PCNX2: variants seen among roughly 807,000 people sequenced by gnomAD.
PCNX2 encodes pecanex 2, also known as pecanex-like protein 2.
A neutral mutation model predicts 223.8 loss-of-function variants in PCNX2; 168 were observed. That is an observed-to-expected ratio of 0.75 (90% CI 0.66 to 0.85). The LOEUF (loss-of-function observed/expected upper bound fraction) is 0.85. Among genes scored for constraint, PCNX2 ranks in the 40% least tolerant of loss-of-function variants. The probability of loss-of-function intolerance (pLI) is 0.00; values close to 1 mark genes in which losing one functional copy is unlikely to be tolerated. For missense variants in PCNX2, 2,507 were observed against 2,675.5 expected (o/e 0.94, Z 1.39); for synonymous variants, 1,006 against 1,052.6 (o/e 0.96, Z 0.86).
intron 16 of PCNX2, 69 bp downstream of exon 16, chr1:233,178,997 C>A: frequency 7.2e-7 from 1 of 1,385,722 alleles, no homozygotes; most frequent in South Asian, 1.3e-5. Context: ...CCATCTCAGT[C>A]AGGGCACAAA....
intron 23 of PCNX2, chr1:233,089,845 C>T (rs1673780888): frequency 1.5e-6 from 2 of 1,294,960 alleles, no homozygotes; most frequent in Middle Eastern, 2.9e-4. Flanking sequence ...GACTAGTATT[C>T]GTTGGCTAAT....
At chr1:233,267,485 A>G (rs1660401836) in intron 1 of PCNX2, among the ~76,000 whole-genome samples, 2 of 152,020 alleles carry the variant, frequency 1.3e-5, no homozygotes. Context: ...TTATCTTCCC[A>G]AACTGAAACT....
intron 9 of PCNX2, among the ~76,000 whole-genome samples, chr1:233,233,710 A>G (rs1002287832): frequency 1.3e-5 from 2 of 151,994 alleles, no homozygotes; most frequent in African/African-American, 4.8e-5. Flanking sequence ...CGTGTGCTGC[A>G]CTTGAAGGAG....
chr1:233,224,957 G>C (rs1476551143), intron 10 of PCNX2, among the ~76,000 whole-genome samples: 1 of 151,846 alleles, frequency 6.6e-6, no homozygotes, highest in Non-Finnish European at 1.5e-5. Flanking sequence ...CAGGGTTTGG[G>C]GGGCAAGGGG....
chr1:233,166,709 A>G lies in PCNX2; in HGVS notation c.3274-5346T>C, dbSNP rs373871409. ...ACCATCAGCAAAATCAAAAGGAAAC[A>G]GTTGTTTTTCCCCAAAGCCACCAAA... On this transcript the variant is annotated intron_variant, in intron 17 of 33. Transcript: ENST00000258229. Among the ~76,000 whole-genome samples the G allele has an allele frequency of 9.2e-5, 14 of 152,210 alleles. No homozygotes were observed. The East Asian group carries it at 1.7e-3, about 19-fold the overall frequency.
rs753037530 is a variant in PCNX2 at position 233,295,305 on chromosome 1, G to C, written c.153+21C>G. ...TCCCTCCATACCCACAGCTCCCCGG[G>C]ACCGGACCCTCCCCACTCACCAGGT... On this transcript the variant is annotated intron_variant, in intron 1 of 33. Coordinates refer to ENST00000258229, the MANE Select transcript of PCNX2 (RefSeq NM_014801.4). This position sits in a 1 kb window ranked among gnomAD's most constrained non-coding sequence, Gnocchi z 4.1. 6.4e-7 allele frequency: 1 copy of C among 1,571,206 alleles called. No individual in the cohort carries two copies. Among genetic ancestry groups the C allele is most frequent in the South Asian group, 1.2e-5 (1 of 85,298 alleles).
rs554318839 is a variant in PCNX2 at position 232,985,842 on chromosome 1, G to A, written c.6240+250C>T. On this transcript the variant is annotated intron_variant, in intron 33 of 33. Transcript: ENST00000258229. The stretch of plus-strand genomic sequence containing the variant: ...ACAGTTCTGCAGAACCTCTGTATCC[G>A]GTGACTCCTTTCAGTGCCTGCCTGG... The A allele has an allele frequency of 2.4e-4, 143 of 606,570 alleles. No individual in the cohort carries two copies. In the South Asian group the frequency reaches 2.7e-3, roughly 12 times the overall value. 37.6% of individuals were successfully genotyped at this position (606,570 alleles called of 1,614,324 possible).
intron 21 of PCNX2, among the ~76,000 whole-genome samples, chr1:233,132,868 G>A (rs1676578747): frequency 6.8e-6 from 1 of 146,628 alleles, no homozygotes; most frequent in Admixed American, 6.8e-5. Context: ...AGTCAGGATT[G>A]AACTCCTCTG....
At chr1:233,087,957 G>A (rs536271806) in intron 23 of PCNX2, among the ~76,000 whole-genome samples, 1 of 152,278 alleles carries the variant, frequency 6.6e-6, no homozygotes, top group East Asian at 1.9e-4. Flanking sequence ...GTTATTTACT[G>A]ATGAAAAGAA....
At chr1:233,252,861 C>A in intron 5 of PCNX2, 73 bp from the exon 6 acceptor site, 2 of 1,385,378 alleles carry the variant, frequency 1.4e-6, no homozygotes, top group Non-Finnish European at 1.9e-6. Flanking sequence ...AATAAGTTAC[C>A]AAAACTGAAA....
At chr1:233,164,109 C>G (rs998399878) in intron 17 of PCNX2, among the ~76,000 whole-genome samples, 2 of 152,118 alleles carry the variant, frequency 1.3e-5, no homozygotes, top group African/African-American at 4.8e-5. Context: ...TTTTAAGAAA[C>G]TGCCATAATC....
chr1:233,246,672 A>AG (rs1491588879), intron 8 of PCNX2, among the ~76,000 whole-genome samples: 2 of 152,280 alleles, frequency 1.3e-5, no homozygotes, highest in South Asian at 2.1e-4. Flanking sequence ...ATGGGAACAC[A>AG]GGGGTAAGGT....
chr1:233,017,507 G>A (rs749398766), intron 26 of PCNX2, among the ~76,000 whole-genome samples: 10 of 151,914 alleles, frequency 6.6e-5, no homozygotes, highest in South Asian at 4.2e-4. Context: ...TAGTGGAGAC[G>A]GGGTTTCACC....
At chr1:233,035,144 C>T (rs1333880801) in intron 25 of PCNX2, among the ~76,000 whole-genome samples, 2 of 152,268 alleles carry the variant, frequency 1.3e-5, no homozygotes, top group Middle Eastern at 3.4e-3. Context: ...AACAGAAAAG[C>T]TGCTCTGAAA....
intron 10 of PCNX2, among the ~76,000 whole-genome samples, chr1:233,225,726 T>C (rs1393329332): frequency 2.0e-5 from 3 of 152,264 alleles, no homozygotes; most frequent in Non-Finnish European, 2.9e-5. Context: ...ATTTTTGTTT[T>C]GACATGAAGG....
intron 21 of PCNX2, chr1:233,134,638 G>C (rs1425511531): frequency 8.0e-6 from 2 of 250,016 alleles, no homozygotes; most frequent in African/African-American, 4.4e-5. Context: ...AAGAAGGGAG[G>C]GAGACAGGGA....
At chr1:233,235,985 T>TATATATATATATATATAA (rs1265599637) in intron 9 of PCNX2, among the ~76,000 whole-genome samples, 2 of 143,632 alleles carry the variant, frequency 1.4e-5, no homozygotes, top group African/African-American at 2.5e-5. Flanking sequence ...TATATATATA[T>TATATATATATATATATAA]AATTATATTA....
chr1:233,028,932 G>A (rs1671175378), intron 25 of PCNX2, among the ~76,000 whole-genome samples: 4 of 146,814 alleles, frequency 2.7e-5, no homozygotes, highest in South Asian at 4.5e-4. Flanking sequence ...TCTGCTTCCC[G>A]GGTTCAAGCC....
intron 8 of PCNX2, among the ~76,000 whole-genome samples, chr1:233,240,826 C>T (rs556769162): frequency 1.3e-5 from 2 of 152,282 alleles, no homozygotes; most frequent in African/African-American, 2.4e-5. Context: ...ACTGGACTCA[C>T]CAGGTTTCCA....
Sources: allele counts gnomAD v4.1 joint callset (sites outside exome capture counted in the v4.1 genomes callset), GRCh38; gene constraint gnomAD v4.1.1; non-coding constraint Gnocchi (gnomAD v3.1); transcripts MANE v1.5; gene names NCBI Gene and HGNC (gene_info 2026-07-23, HGNC 2026-07-21).